CCSER1: variants seen among roughly 807,000 people sequenced by gnomAD.
The protein encoded by CCSER1 is serine-rich coiled-coil domain-containing protein 1.
Under a neutral mutation model 82.0 loss-of-function variants are expected in CCSER1, and 41 were observed. The observed-to-expected ratio is 0.50, with a 90% CI of 0.39 to 0.65. CCSER1 has a LOEUF of 0.65. Ranked by LOEUF, CCSER1 falls within the 30% of genes least tolerant of loss-of-function variation. CCSER1 has a pLI of 0.00. For missense variants in CCSER1, 1,119 were observed against 1,064.2 expected (o/e 1.05, Z -0.72); for synonymous variants, 414 against 383.9 (o/e 1.08, Z -0.92).
intron 10 of CCSER1, among the ~76,000 whole-genome samples, chr4:91,565,559 A>G (rs755529017): frequency 5.9e-5 from 9 of 151,744 alleles, no homozygotes; most frequent in African/African-American, 9.7e-5. Context: ...ATTTGTTTGT[A>G]TCTTCTCTGA....
At chr4:90,474,251 G>A (rs1291341093) in intron 5 of CCSER1, among the ~76,000 whole-genome samples, 15 of 151,994 alleles carry the variant, frequency 9.9e-5, no homozygotes, top group South Asian at 4.1e-4. Flanking sequence ...CAGGTAAAAC[G>A]TCCCTGAGGA....
intron 10 of CCSER1, among the ~76,000 whole-genome samples, chr4:91,399,290 T>C (rs1752178217): frequency 6.6e-6 from 1 of 151,854 alleles, no homozygotes; most frequent in Non-Finnish European, 1.5e-5. Flanking sequence ...CCCTATCAGA[T>C]AGCTAAGATA....
intron 5 of CCSER1, among the ~76,000 whole-genome samples, chr4:90,519,822 T>C (rs1023506505): frequency 4.6e-5 from 7 of 152,060 alleles, no homozygotes; most frequent in African/African-American, 1.7e-4. Context: ...CATTTAATTA[T>C]CTCAGAACAT....
At chr4:91,362,289 T>C (rs1749302611) in intron 10 of CCSER1, among the ~76,000 whole-genome samples, 2 of 151,778 alleles carry the variant, frequency 1.3e-5, no homozygotes, top group African/African-American at 4.8e-5. Flanking sequence ...AGAGTGAAGA[T>C]TACCTTGAAG....
chr4:90,299,181 C>T (rs1243104186), intron 1 of CCSER1, among the ~76,000 whole-genome samples: 2 of 151,982 alleles, frequency 1.3e-5, no homozygotes, highest in Non-Finnish European at 2.9e-5. Flanking sequence ...TGTGTTCTTC[C>T]CTTTTGTAGC....
chr4:91,166,662 G>A (rs908438947), intron 10 of CCSER1, among the ~76,000 whole-genome samples: 1 of 151,966 alleles, frequency 6.6e-6, no homozygotes, highest in Non-Finnish European at 1.5e-5. Context: ...TCTTTATTTT[G>A]TGGCAAGTCA....
At chr4:90,998,911 G>C (rs538085715) in intron 9 of CCSER1, among the ~76,000 whole-genome samples, 2 of 152,026 alleles carry the variant, frequency 1.3e-5, no homozygotes, top group Non-Finnish European at 2.9e-5. Flanking sequence ...GTAGTCCCCA[G>C]TGTCTATTGT....
chr4:90,616,096 C>T (rs923225317), intron 5 of CCSER1, among the ~76,000 whole-genome samples: 3 of 152,074 alleles, frequency 2.0e-5, no homozygotes, highest in East Asian at 1.9e-4. Context: ...TAAATTAAGG[C>T]GTGTACATTG....
At chr4:90,460,743 T>G (rs1371441608) in intron 4 of CCSER1, among the ~76,000 whole-genome samples, 1 of 152,206 alleles carries the variant, frequency 6.6e-6, no homozygotes, top group East Asian at 1.9e-4. Context: ...TTGAAGGTCT[T>G]TGCTTTCTTC....
chr4:90,178,489 GT>G (rs1306476920), intron 1 of CCSER1, among the ~76,000 whole-genome samples: 2 of 151,912 alleles, frequency 1.3e-5, no homozygotes, highest in African/African-American at 4.8e-5. Context: ...GTTTGAAGTT[GT>G]GAAGGCTTTG....
chr4:90,251,651 A>G (rs1722402435), intron 1 of CCSER1, among the ~76,000 whole-genome samples: 1 of 151,792 alleles, frequency 6.6e-6, no homozygotes, highest in African/African-American at 2.4e-5. Flanking sequence ...TTATATATAA[A>G]ATAATAAAAG....
intron 3 of CCSER1, among the ~76,000 whole-genome samples, chr4:90,383,147 A>G (rs1749477467): frequency 6.6e-6 from 1 of 152,190 alleles, no homozygotes. Context: ...GTCATAGAAT[A>G]TAAGTTAGAT....
intron 10 of CCSER1, among the ~76,000 whole-genome samples, chr4:91,549,670 C>A (rs1217086577): frequency 6.6e-6 from 1 of 152,066 alleles, no homozygotes; most frequent in Admixed American, 6.6e-5. Flanking sequence ...AATCCCGTCT[C>A]CACTAAAAAT....
At chr4:90,717,768 AGTG>A (rs1425401097) in intron 6 of CCSER1, among the ~76,000 whole-genome samples, 4 of 146,300 alleles carry the variant, frequency 2.7e-5, no homozygotes, top group African/African-American at 5.1e-5. Context: ...ACACATATAT[AGTG>A]TATATATATG....
At chr4:90,198,035 T>C (rs572667146) in intron 1 of CCSER1, among the ~76,000 whole-genome samples, 1 of 152,316 alleles carries the variant, frequency 6.6e-6, no homozygotes, top group East Asian at 1.9e-4. Flanking sequence ...ACATCTCATG[T>C]ACCCCATAAA....
At chr4:90,394,054 A>G (rs1751612133) in intron 3 of CCSER1, among the ~76,000 whole-genome samples, 1 of 150,730 alleles carries the variant, frequency 6.6e-6, no homozygotes, top group Non-Finnish European at 1.5e-5. Flanking sequence ...TGTTGGGATT[A>G]CAGGTGTGAG....
At chr4:90,672,496 A>G (rs563492480) in intron 6 of CCSER1, among the ~76,000 whole-genome samples, 117 of 152,156 alleles carry the variant, frequency 7.7e-4, no homozygotes, top group African/African-American at 2.7e-3. Flanking sequence ...AGGGAATGTT[A>G]TGGCTGGTTT....
At chr4:90,848,290 T>G (rs1194220259) in intron 8 of CCSER1, among the ~76,000 whole-genome samples, 4 of 152,186 alleles carry the variant, frequency 2.6e-5, no homozygotes, top group African/African-American at 7.2e-5. Flanking sequence ...CATGTAAAAT[T>G]GGTGCCCAAA....
chr4:91,139,291 A>C (rs937794743), intron 10 of CCSER1, among the ~76,000 whole-genome samples: 29 of 151,766 alleles, frequency 1.9e-4, no homozygotes, highest in Admixed American at 1.9e-3. Flanking sequence ...TCTCCAGTCC[A>C]CCATTGATGG....
Sources: gnomAD v4.1 joint callset for allele counts (sites outside exome capture counted in the v4.1 genomes callset) on GRCh38, gnomAD v4.1.1 for gene constraint, MANE v1.5 for transcripts, NCBI Gene and HGNC (gene_info 2026-07-23, HGNC 2026-07-21) for gene names.